Variants in SLC6A2 observed in about 807,000 individuals in gnomAD.
SLC6A2 encodes the protein sodium-dependent noradrenaline transporter.
SLC6A2 carries 26 observed loss-of-function variants against 71.7 expected under a neutral mutation model. The ratio of observed to expected loss-of-function variants is 0.36; its 90% CI spans 0.27 to 0.50. The LOEUF (loss-of-function observed/expected upper bound fraction) is 0.50. Among genes scored for constraint, SLC6A2 ranks in the 20% least tolerant of loss-of-function variants. The pLI is 0.96. For missense variants in SLC6A2, 581 were observed against 803.9 expected (o/e 0.72, Z 3.35); for synonymous variants, 363 against 337.9 (o/e 1.07, Z -0.82).
At chr16:55,678,921 G>T (rs1965180810) in intron 4 of SLC6A2, among the ~76,000 whole-genome samples, 1 of 152,184 alleles carries the variant, frequency 6.6e-6, no homozygotes, top group African/African-American at 2.4e-5. Flanking sequence ...AAGCTTGGGA[G>T]TCCAGATCTT....
chr16:55,662,029 G>A (rs1964623721), intron 2 of SLC6A2, among the ~76,000 whole-genome samples: 1 of 152,228 alleles, frequency 6.6e-6, no homozygotes, highest in African/African-American at 2.4e-5. Context: ...TGTCAGCTCA[G>A]ATGCACAATG....
chr16:55,698,350 G>T (rs1965864640), intron 10 of SLC6A2, 119 bp from the exon 11 acceptor site: 1 of 785,860 alleles, frequency 1.3e-6, no homozygotes, highest in Non-Finnish European at 2.2e-6. Flanking sequence ...TATGCCCTGG[G>T]TTTTCAAATA....
rs1262739584 is a variant in SLC6A2 at position 55,656,361 on chromosome 16, A to C, written c.-52+192A>C. On this transcript the variant is annotated intron_variant, in intron 1 of 14. Coordinates refer to ENST00000568943, the MANE Select transcript of SLC6A2 (RefSeq NM_001172501.3). The surrounding 1 kb of genome is among the most constrained non-coding windows in gnomAD (Gnocchi z 4.5). ...CGCTGCCCTCAGCCTCGGTGAGTTC[A>C]ATCCCAGCCATTTGGGGCAGGCGAG... 3 of 432,890 alleles carry C rather than the reference A, an allele frequency of 6.9e-6. No individual in the cohort carries two copies. The highest frequency in any genetic ancestry group is 1.3e-5 in the Non-Finnish European group (3 of 233,118). The allele number at this position is 432,890 out of a possible 1,614,324, so 26.8% of individuals were successfully genotyped here. A position where few individuals can be genotyped will look rare whatever the true frequency, so the allele number is the denominator to read the frequency against.
chr16:55,685,966 A>T (rs527974746), intron 5 of SLC6A2, among the ~76,000 whole-genome samples: 2 of 152,300 alleles, frequency 1.3e-5, no homozygotes, highest in Admixed American at 1.3e-4. Flanking sequence ...AAGGAACATC[A>T]TGGGAACAAC....
intron 13 of SLC6A2, among the ~76,000 whole-genome samples, chr16:55,700,551 G>C (rs546062041): frequency 6.6e-6 from 1 of 152,242 alleles, no homozygotes; most frequent in South Asian, 2.1e-4. Flanking sequence ...TGGCGCACAG[G>C]AGGTGTTCAG....
At chr16:55,660,533 C>T (rs1964582880) in intron 2 of SLC6A2, among the ~76,000 whole-genome samples, 1 of 152,194 alleles carries the variant, frequency 6.6e-6, no homozygotes, top group Non-Finnish European at 1.5e-5. Context: ...TCCAGTAATT[C>T]CCAAATTAGC....
chr16:55,685,304 T>C (rs1567446778), intron 5 of SLC6A2, 23 bp downstream of exon 5: 1 of 1,612,184 alleles, frequency 6.2e-7, no homozygotes, highest in Non-Finnish European at 8.5e-7. Context: ...TGTTTCTCTT[T>C]CACTTACTTG....
chr16:55,656,110 C>G lies in SLC6A2; in HGVS notation c.-111C>G, dbSNP rs1964439266. 6.5e-6 allele frequency: 1 copy of G among 153,812 alleles called. No individual in the cohort carries two copies. The highest frequency in any genetic ancestry group is 2.1e-4 in the South Asian group (1 of 4,878). The allele number at this position is 153,812 out of a possible 1,614,324, so 9.5% of individuals were successfully genotyped here. A position where few individuals can be genotyped will look rare whatever the true frequency, so the allele number is the denominator to read the frequency against. The stretch of plus-strand genomic sequence containing the variant: ...GCCCGCGCCCTAGAGCCTGCCAAGG[C>G]GCCGCCGGTCGGGGGCCGGCAGGGC... On this transcript the variant is annotated 5_prime_UTR_variant, in exon 1 of 15. Coordinates refer to ENST00000568943, the MANE Select transcript of SLC6A2 (RefSeq NM_001172501.3). This position sits in a 1 kb window ranked among gnomAD's most constrained non-coding sequence, Gnocchi z 4.5.
intron 4 of SLC6A2, among the ~76,000 whole-genome samples, chr16:55,679,141 A>AG (rs1965188368): frequency 6.6e-6 from 1 of 152,160 alleles, no homozygotes; most frequent in Admixed American, 6.5e-5. Context: ...AATTGACACA[A>AG]TTCAACACCT....
chr16:55,659,495 A>G (rs1224138795), intron 2 of SLC6A2, among the ~76,000 whole-genome samples: 1 of 152,150 alleles, frequency 6.6e-6, no homozygotes, highest in Non-Finnish European at 1.5e-5. Flanking sequence ...ATCTCAAAAC[A>G]CAGCTCACTC....
chr16:55,665,096 G>T (rs1490862095), intron 2 of SLC6A2, among the ~76,000 whole-genome samples: 1 of 152,196 alleles, frequency 6.6e-6, no homozygotes, highest in South Asian at 2.1e-4. Context: ...TGGCTAGATT[G>T]AGCTGGGAGG....
At chr16:55,700,094 C>G in intron 12 of SLC6A2, 45 bp from the exon 13 acceptor site, 11 of 1,557,088 alleles carry the variant, frequency 7.1e-6, no homozygotes, top group Non-Finnish European at 9.7e-6. Flanking sequence ...TCTTGTCTCT[C>G]TTCTGTCCTG....
At chr16:55,687,236 G>A (rs1415985299) in intron 5 of SLC6A2, among the ~76,000 whole-genome samples, 1 of 152,288 alleles carries the variant, frequency 6.6e-6, no homozygotes, top group Non-Finnish European at 1.5e-5. Context: ...GATAATAAGA[G>A]ATCATTGCAC....
At position 55,670,224 on chromosome 16, in the gene SLC6A2, A is replaced by G. The variant is rs1363138760; in HGVS notation, c.406+528A>G. Among the ~76,000 whole-genome samples the G allele has an allele frequency of 3.3e-5, 5 of 152,326 alleles. No individual in the cohort carries two copies. In the East Asian group the frequency reaches 9.7e-4, roughly 29 times the overall value. ...TCTTGGCCCCTATACAGCTGGGAGA[A>G]GGGCATGGAGGAAGAGTTAGTCTCT... On this transcript the variant is annotated intron_variant, in intron 3 of 14. Transcript: ENST00000568943.
intron 2 of SLC6A2, among the ~76,000 whole-genome samples, chr16:55,658,184 CT>C (rs1348284446): frequency 6.6e-6 from 1 of 152,082 alleles, no homozygotes; most frequent in East Asian, 1.9e-4. Context: ...ACTCTGGACA[CT>C]TGCTTTGGGA....
chr16:55,694,253 T>C lies in SLC6A2; in HGVS notation c.1022+140T>C, dbSNP rs558369322. 1.4e-5 allele frequency: 10 copies of C among 703,152 alleles called. No homozygotes were observed. In the African/African-American group the frequency reaches 1.6e-4, roughly 11 times the overall value. 43.6% of individuals were successfully genotyped at this position (703,152 alleles called of 1,614,324 possible). ...TTCTTGTGAACCATCCTGGGCATTC[T>C]ATAAACTGCGACATGGCCTCTGAGG... is the stretch of plus-strand genomic sequence containing the variant. On this transcript the variant is annotated intron_variant, in intron 7 of 14. Transcript: ENST00000568943.
chr16:55,666,445 T>C (rs1964753110), intron 2 of SLC6A2, among the ~76,000 whole-genome samples: 1 of 152,210 alleles, frequency 6.6e-6, no homozygotes, highest in Admixed American at 6.5e-5. Flanking sequence ...AGAAGGAAAC[T>C]CTCCCAGGTT....
chr16:55,675,322 A>G (rs747193905), intron 4 of SLC6A2, among the ~76,000 whole-genome samples: 5 of 152,246 alleles, frequency 3.3e-5, no homozygotes, highest in Non-Finnish European at 5.9e-5. Flanking sequence ...CAGACAGGAT[A>G]GATTCCACCA....
intron 2 of SLC6A2, among the ~76,000 whole-genome samples, chr16:55,657,542 G>T (rs551652681): frequency 2.6e-5 from 4 of 152,222 alleles, no homozygotes; most frequent in Admixed American, 2.6e-4. Context: ...CACACAAGAA[G>T]AAGCCAGTAT....
Sources: gnomAD v4.1 joint callset for allele counts (sites outside exome capture counted in the v4.1 genomes callset) on GRCh38, gnomAD v4.1.1 for gene constraint, Gnocchi (gnomAD v3.1) non-coding constraint, MANE v1.5 for transcripts, NCBI Gene and HGNC (gene_info 2026-07-23, HGNC 2026-07-21) for gene names.